Variants in SEC31A observed in about 807,000 individuals in gnomAD.
SEC31A encodes the protein SEC31 homolog A, COPII component.
In SEC31A, 70 loss-of-function variants were observed where a neutral mutation model predicts 151.0. The ratio of observed to expected loss-of-function variants is 0.46; its 90% CI spans 0.38 to 0.57. SEC31A has a LOEUF of 0.57. SEC31A is among the 20% of genes least tolerant of loss of function. SEC31A has a pLI of 0.00. For synonymous variants in SEC31A, 475 were observed against 505.9 expected (o/e 0.94, Z 0.82); for missense variants, 1,330 against 1,471.2 (o/e 0.90, Z 1.57).
chr4:82,868,866 T>G (rs1736006922), intron 8 of SEC31A, among the ~76,000 whole-genome samples: 1 of 152,018 alleles, frequency 6.6e-6, no homozygotes, highest in African/African-American at 2.4e-5. Context: ...AGCTAATTTT[T>G]GTATTTGTTG....
In SEC31A at chr4:82,854,884, T is replaced by C. The variant is rs1219055031; in HGVS notation, c.2008+19A>G. ...TGCCACGTATGTAAATGCAGTTAAATATAAAGCACATCTCTTACCACAAAG... is the reference window on the plus strand; with the variant it reads ...TGCCACGTATGTAAATGCAGTTAAACATAAAGCACATCTCTTACCACAAAG... On this transcript the variant is annotated intron_variant, in intron 17 of 26. Coordinates refer to ENST00000395310, the MANE Select transcript of SEC31A (RefSeq NM_001077207.4). 2 of 1,602,508 alleles carry C rather than the reference T, an allele frequency of 1.2e-6. No individual in the cohort carries two copies. Among genetic ancestry groups the C allele is most frequent in the East Asian group, 2.2e-5 (1 of 44,550 alleles).
intron 7 of SEC31A, chr4:82,871,640 G>C: frequency 3.7e-6 from 2 of 539,614 alleles, no homozygotes; most frequent in Non-Finnish European, 6.5e-6. Flanking sequence ...GCTGGGCGTG[G>C]TGGCGCATGC....
Position 82,866,965 on chromosome 4 carries a change from A to C in SEC31A, c.1045-5T>G, listed in dbSNP as rs970772338. ...ATTCCCAAAAGATGATGAAAGCTAA[A>C]AAAGATAATAATAACATAAGCATCC... On this transcript the variant is annotated splice_region_variant and splice_polypyrimidine_tract_variant and intron_variant, in intron 9 of 26. Transcript: ENST00000395310. 6.2e-7 allele frequency: 1 copy of C among 1,605,460 alleles called. No individual in the cohort carries two copies. The highest frequency in any genetic ancestry group is 1.8e-5 in the Admixed American group (1 of 57,080).
At chr4:82,888,646 G>T (rs985867751) in intron 1 of SEC31A, among the ~76,000 whole-genome samples, 6 of 151,312 alleles carry the variant, frequency 4.0e-5, no homozygotes, top group African/African-American at 1.5e-4. Flanking sequence ...CCGAGATCGC[G>T]CCAATGTACT....
At position 82,898,564 on chromosome 4, in the gene SEC31A, T is replaced by G. The variant is rs192276989; in HGVS notation, c.-2+1149A>C. ...CTATTTCATCTTTAGGAAAGGCAAA[T>G]AGTTGCAATCCAATTAAACAGGAAA... On this transcript the variant is annotated intron_variant, in intron 3 of 28. Transcript: ENST00000355196. Among the ~76,000 whole-genome samples the G allele has an allele frequency of 9.3e-4, 141 of 152,346 alleles. 1 individual carries two copies. Among genetic ancestry groups the G allele is most frequent in the African/African-American group, 3.3e-3 (136 of 41,586 alleles).
upstream of SEC31A, chr4:82,891,191 G>T: frequency 1.3e-6 from 2 of 1,533,442 alleles, no homozygotes; most frequent in Non-Finnish European, 1.7e-6. Flanking sequence ...CCACCTCCAC[G>T]TTCCGTTCCA....
chr4:82,891,164 C>T (rs1318492241), upstream of SEC31A: 12 of 1,535,522 alleles, frequency 7.8e-6, no homozygotes, highest in African/African-American at 1.4e-5. Flanking sequence ...GCCGCCGCCC[C>T]TCCTCCCCGG....
At position 82,821,061 on chromosome 4, in the gene SEC31A, C is replaced by T. The variant is rs184276133; in HGVS notation, c.3459G>A (p.Leu1153=). The change falls in exon 26 of 27, where the codon CTG becomes CTA. Residue 1153 remains leucine (L), a synonymous_variant. Coordinates refer to ENST00000395310, the MANE Select transcript of SEC31A (RefSeq NM_001077207.4). ...CTGTCTGTTCCCTAAGTTTATCATACAGAAACTCCAAACGTTTGCTGGCAT... is the reference window on the plus strand; with the variant it reads ...CTGTCTGTTCCCTAAGTTTATCATATAGAAACTCCAAACGTTTGCTGGCAT... ...LDDASKRLEF[L]YDKLREQTLS... 1.9e-6 allele frequency: 3 copies of T among 1,613,856 alleles called. No individual in the cohort carries two copies. The highest frequency in any genetic ancestry group is 2.5e-6 in the Non-Finnish European group (3 of 1,179,872).
intron 26 of SEC31A, among the ~76,000 whole-genome samples, chr4:82,819,779 T>G (rs1166107438): frequency 6.6e-6 from 1 of 152,070 alleles, no homozygotes; most frequent in Non-Finnish European, 1.5e-5. Flanking sequence ...TTTTTTTTTT[T>G]GAGATGGAGT....
At chr4:82,872,160 C>T in intron 6 of SEC31A, 74 bp from the exon 7 acceptor site, 3 of 1,063,196 alleles carry the variant, frequency 2.8e-6, no homozygotes, top group Non-Finnish European at 4.3e-6. Context: ...GAGAAATATA[C>T]CTTTATTGAA....
intron 16 of SEC31A, among the ~76,000 whole-genome samples, chr4:82,856,055 T>C (rs1732566159): frequency 6.6e-6 from 1 of 152,190 alleles, no homozygotes; most frequent in African/African-American, 2.4e-5. Context: ...AACAAGCGTG[T>C]TTATTTCTAT....
At chr4:82,838,493 A>T (rs2149176247) in intron 22 of SEC31A, among the ~76,000 whole-genome samples, 1 of 152,282 alleles carries the variant, frequency 6.6e-6, no homozygotes, top group African/African-American at 2.4e-5. Flanking sequence ...CTTACCTCTG[A>T]TTCTGCTGTG....
chr4:82,840,736 A>G (rs2149212866), intron 22 of SEC31A, among the ~76,000 whole-genome samples: 1 of 152,354 alleles, frequency 6.6e-6, no homozygotes, highest in Non-Finnish European at 1.5e-5. Context: ...ATGTTACTGT[A>G]CTGAACACAA....
Position 82,857,096 on chromosome 4 carries a change from C to G in SEC31A, c.1737G>C (p.Thr579=). 6.2e-7 allele frequency: 1 copy of G among 1,613,398 alleles called. No individual in the cohort carries two copies. The stretch of plus-strand genomic sequence containing the variant: ...GGTCAACAGCACTCTCAAAATTGCC[C>G]GTCAGCAAAGCCTGAGTAATTAAAC... The part of the protein sequence containing the change: ...IDGLITQALL[T]GNFESAVDLC... Residue 579 remains threonine (T), a synonymous_variant, in exon 16 of 27, where the codon ACG becomes ACC. Transcript: ENST00000395310.
intron 22 of SEC31A, among the ~76,000 whole-genome samples, chr4:82,832,503 A>T (rs1326158767): frequency 6.6e-6 from 1 of 152,206 alleles, no homozygotes; most frequent in African/African-American, 2.4e-5. Flanking sequence ...ACATAGGCAA[A>T]GACTTCATGT....
chr4:82,855,245 A>G (rs1732374341), intron 16 of SEC31A, among the ~76,000 whole-genome samples: 1 of 152,256 alleles, frequency 6.6e-6, no homozygotes, highest in South Asian at 2.1e-4. Context: ...AGTGCTGAGA[A>G]GGAAAAATAT....
chr4:82,850,358 C>G (rs957561339), intron 19 of SEC31A, among the ~76,000 whole-genome samples: 6 of 152,048 alleles, frequency 3.9e-5, no homozygotes, highest in African/African-American at 1.4e-4. Flanking sequence ...GCTATTCTAT[C>G]TAACATTCCC....
intron 1 of SEC31A, among the ~76,000 whole-genome samples, chr4:82,882,957 A>C (rs1739726851): frequency 6.6e-6 from 1 of 152,208 alleles, no homozygotes; most frequent in Non-Finnish European, 1.5e-5. Flanking sequence ...GTCTCTATTA[A>C]AAATACAAGA....
At chr4:82,887,178 C>T (rs1376767417) in intron 1 of SEC31A, among the ~76,000 whole-genome samples, 1 of 152,016 alleles carries the variant, frequency 6.6e-6, no homozygotes, top group African/African-American at 2.4e-5. Flanking sequence ...ATCAAAATAG[C>T]TGTATTATTA....
Sources: allele counts gnomAD v4.1 joint callset (sites outside exome capture counted in the v4.1 genomes callset), GRCh38; gene constraint gnomAD v4.1.1; transcripts MANE v1.5; gene names NCBI Gene and HGNC (gene_info 2026-07-23, HGNC 2026-07-21).